The following NYAP2 variants were observed in gnomAD, a reference collection of about 807,000 sequenced individuals.
The protein encoded by NYAP2 is neuronal tyrosine-phosphorylated phosphoinositide-3-kinase adapter 2.
NYAP2 carries 23 observed loss-of-function variants against 50.4 expected under a neutral mutation model. The observed-to-expected ratio is 0.46, with a 90% confidence interval of 0.33 to 0.65. The LOEUF (loss-of-function observed/expected upper bound fraction) is 0.65. Ranked by LOEUF, NYAP2 falls within the 30% of genes least tolerant of loss-of-function variation. The pLI, the probability that NYAP2 is intolerant of heterozygous loss-of-function variation, is 0.02. For missense variants in NYAP2, 885 were observed against 861.0 expected (o/e 1.03, Z -0.35); for synonymous variants, 394 against 365.2 (o/e 1.08, Z -0.90).
chr2:225,463,859 T>C (rs1333206272), intron 3 of NYAP2, among the ~76,000 whole-genome samples: 1 of 152,166 alleles, frequency 6.6e-6, no homozygotes, highest in African/African-American at 2.4e-5. Context: ...CCTGGAAAAC[T>C]CTGCTTGTGT....
At chr2:225,512,267 G>A (rs985915872) in intron 3 of NYAP2, among the ~76,000 whole-genome samples, 4 of 152,120 alleles carry the variant, frequency 2.6e-5, no homozygotes, top group African/African-American at 9.7e-5. Context: ...TGGAAACTTT[G>A]CATACACTGA....
intron 4 of NYAP2, among the ~76,000 whole-genome samples, chr2:225,540,747 T>C (rs1691451726): frequency 2.0e-5 from 3 of 152,304 alleles, no homozygotes; most frequent in Middle Eastern, 3.4e-3. Context: ...GCAAGAAACA[T>C]GGGAGTGCAG....
chr2:225,465,004 G>A (rs1165672204), intron 3 of NYAP2, among the ~76,000 whole-genome samples: 1 of 152,196 alleles, frequency 6.6e-6, no homozygotes, highest in East Asian at 1.9e-4. Context: ...AAAGTTATGA[G>A]TATTTTCGTC....
Position 225,499,981 on chromosome 2 carries a change from G to A in NYAP2, c.222-13390G>A, listed in dbSNP as rs980242049. Among the ~76,000 whole-genome samples, 10 of 152,124 alleles carry A rather than the reference G, an allele frequency of 6.6e-5. No homozygotes were observed. The East Asian group carries it at 1.3e-3, about 20-fold the overall frequency. On this transcript the variant is annotated intron_variant, in intron 3 of 6. Transcript: ENST00000636099. ...GTTGGAAATGTTTAGGATTGCTGAT[G>A]AGAATAATCAATGAAGAATATACCA...
At chr2:225,398,570 T>G (rs1480326358), upstream of NYAP2, among the ~76,000 whole-genome samples, 1 of 151,900 alleles carries the variant, frequency 6.6e-6, no homozygotes, top group Non-Finnish European at 1.5e-5. Flanking sequence ...AGTTTATAAG[T>G]GGTGCTTGAG....
chr2:225,436,764 GA>G (rs1689386437), intron 3 of NYAP2, among the ~76,000 whole-genome samples: 8 of 147,272 alleles, frequency 5.4e-5, no homozygotes, highest in Non-Finnish European at 7.4e-5. Context: ...AAAAAAGAGA[GA>G]AGAAGAAGAA....
At chr2:225,501,165 AC>A (rs1314908589) in intron 3 of NYAP2, among the ~76,000 whole-genome samples, 2 of 152,194 alleles carry the variant, frequency 1.3e-5, no homozygotes, top group African/African-American at 4.8e-5. Context: ...TACAGTTCTT[AC>A]TAATAGGAAC....
At chr2:225,667,541 T>C in the NYAP2 span, among the ~76,000 whole-genome samples, 6 of 152,140 alleles carry the variant, frequency 3.9e-5, no homozygotes, top group Non-Finnish European at 8.8e-5. Context: ...TACTCCCATT[T>C]TGAGGAAGCT....
intron 3 of NYAP2, among the ~76,000 whole-genome samples, chr2:225,499,319 C>CTT (rs764490641): frequency 5.6e-4 from 80 of 143,064 alleles, no homozygotes; most frequent in African/African-American, 1.8e-3. Flanking sequence ...GAAAAGGTTA[C>CTT]TTTTTTTTTT....
At chr2:225,564,690 A>G (rs1691932765) in intron 4 of NYAP2, among the ~76,000 whole-genome samples, 1 of 152,066 alleles carries the variant, frequency 6.6e-6, no homozygotes, top group Non-Finnish European at 1.5e-5. Flanking sequence ...AAATATAAAA[A>G]AAAAAAACAT....
the NYAP2 span, among the ~76,000 whole-genome samples, chr2:225,664,077 C>T: frequency 2.6e-5 from 4 of 152,148 alleles, no homozygotes; most frequent in Admixed American, 6.5e-5. Context: ...CATGAAAGGC[C>T]TTATTTTTGC....
chr2:225,554,962 G>A (rs1315081125), intron 4 of NYAP2, among the ~76,000 whole-genome samples: 1 of 151,944 alleles, frequency 6.6e-6, no homozygotes, highest in African/African-American at 2.4e-5. Flanking sequence ...AAAGATTATT[G>A]GAATTTTGAA....
At chr2:225,450,326 G>A (rs1326537036) in intron 3 of NYAP2, among the ~76,000 whole-genome samples, 1 of 152,182 alleles carries the variant, frequency 6.6e-6, no homozygotes, top group Non-Finnish European at 1.5e-5. Context: ...TAAATATGAA[G>A]AGAGAAGCAC....
upstream of NYAP2, among the ~76,000 whole-genome samples, chr2:225,398,963 T>C (rs1694814295): frequency 6.6e-6 from 1 of 152,092 alleles, no homozygotes; most frequent in Non-Finnish European, 1.5e-5. Context: ...TCAGGTGACA[T>C]TTAAGAATTA....
downstream of NYAP2, among the ~76,000 whole-genome samples, chr2:225,657,775 G>A (rs745824350): frequency 3.9e-4 from 59 of 152,134 alleles, no homozygotes; most frequent in Middle Eastern, 3.4e-3. Flanking sequence ...TATAGACCAG[G>A]GACATTTTAC....
chr2:225,497,859 T>C (rs958530890), intron 3 of NYAP2, among the ~76,000 whole-genome samples: 1 of 152,184 alleles, frequency 6.6e-6, no homozygotes, highest in Non-Finnish European at 1.5e-5. Context: ...AATGTATGGC[T>C]TGACTATTCA....
At chr2:225,517,050 T>G (rs1356471028) in intron 4 of NYAP2, among the ~76,000 whole-genome samples, 1 of 151,508 alleles carries the variant, frequency 6.6e-6, no homozygotes, top group Admixed American at 6.6e-5. Flanking sequence ...TAGAAAAAAA[T>G]AAAACTGTTG....
At chr2:225,611,268 G>T (rs1374239602) in intron 5 of NYAP2, among the ~76,000 whole-genome samples, 1 of 152,092 alleles carries the variant, frequency 6.6e-6, no homozygotes, top group South Asian at 2.1e-4. Context: ...TGCAACCAGA[G>T]TGATCTTTTA....
Position 225,582,143 on chromosome 2 carries a change from G to A in NYAP2, c.726G>A (p.Glu242=), listed in dbSNP as rs752925665. 5.0e-6 allele frequency: 8 copies of A among 1,613,996 alleles called. No homozygotes were observed. In the South Asian group the frequency reaches 8.8e-5, roughly 18 times the overall value. ...CCGCGGGAGACCCCGAGGAAGAGGA[G>A]CCCGTGTACATCGAGATGGTGGGGA... Residue 242 remains glutamate (E), a synonymous_variant, in exon 5 of 7, where the codon GAG becomes GAA. Transcript: ENST00000636099. The surrounding 1 kb of genome is among the most constrained non-coding windows in gnomAD (Gnocchi z 7.0).
Sources: allele counts gnomAD v4.1 joint callset (sites outside exome capture counted in the v4.1 genomes callset), GRCh38; gene constraint gnomAD v4.1.1; non-coding constraint Gnocchi (gnomAD v3.1); transcripts MANE v1.5; gene names NCBI Gene and HGNC (gene_info 2026-07-23, HGNC 2026-07-21).